TBL1XR1: variants seen among roughly 807,000 people sequenced by gnomAD.
TBL1XR1 encodes TBL1X/Y related 1.
TBL1XR1 carries 5 observed loss-of-function variants against 66.9 expected under a neutral mutation model. That is an observed-to-expected ratio of 0.07 (90% confidence interval 0.04 to 0.16). The LOEUF is 0.16. Among genes scored for constraint, TBL1XR1 ranks in the 10% least tolerant of loss-of-function variants. The pLI is 1.00. For synonymous variants in TBL1XR1, 210 were observed against 206.0 expected (o/e 1.02, Z -0.17); for missense variants, 238 against 623.2 (o/e 0.38, Z 6.58).
intron 1 of TBL1XR1, among the ~76,000 whole-genome samples, chr3:177,109,891 C>T (rs1725340596): frequency 6.6e-6 from 1 of 152,072 alleles, no homozygotes; most frequent in Non-Finnish European, 1.5e-5. Flanking sequence ...TTCCTGTATG[C>T]TCGATGTTCT....
intron 1 of TBL1XR1, among the ~76,000 whole-genome samples, chr3:177,103,033 A>G (rs1724416899): frequency 6.6e-6 from 1 of 152,256 alleles, no homozygotes; most frequent in South Asian, 2.1e-4. Flanking sequence ...TATGCTGATA[A>G]AATGTTAGTG....
intron 14 of TBL1XR1, among the ~76,000 whole-genome samples, chr3:177,028,169 C>T (rs1037305259): frequency 1.3e-5 from 2 of 152,114 alleles, no homozygotes; most frequent in African/African-American, 4.8e-5. Flanking sequence ...CTACAATTTA[C>T]TCATCAAATG....
intron 1 of TBL1XR1, among the ~76,000 whole-genome samples, chr3:177,151,161 A>C (rs1353517714): frequency 1.3e-5 from 2 of 152,238 alleles, no homozygotes; most frequent in Non-Finnish European, 2.9e-5. Context: ...GTGGTATATA[A>C]AAGCAAAGCT....
intron 1 of TBL1XR1, chr3:177,193,933 A>G (rs1736491938): frequency 6.6e-6 from 1 of 152,226 alleles, no homozygotes; most frequent in Non-Finnish European, 1.5e-5. Context: ...GCCCAACACT[A>G]TCTACCTCAT....
chr3:177,043,403 T>C (rs1715872297), intron 10 of TBL1XR1, among the ~76,000 whole-genome samples: 1 of 152,190 alleles, frequency 6.6e-6, no homozygotes, highest in Non-Finnish European at 1.5e-5. Context: ...CTTGTATTAA[T>C]AACCTCCTTT....
chr3:177,191,465 A>G (rs1736130040), intron 1 of TBL1XR1, among the ~76,000 whole-genome samples: 1 of 152,168 alleles, frequency 6.6e-6, no homozygotes, highest in Non-Finnish European at 1.5e-5. Context: ...CTGAGCCTCA[A>G]TTTTCTCACT....
chr3:177,144,857 T>C (rs1418602295), intron 1 of TBL1XR1, among the ~76,000 whole-genome samples: 1 of 152,254 alleles, frequency 6.6e-6, no homozygotes, highest in South Asian at 2.1e-4. Flanking sequence ...TTGAATTTCA[T>C]GTAATTTTTA....
intron 1 of TBL1XR1, among the ~76,000 whole-genome samples, chr3:177,140,760 T>TA (rs1729538930): frequency 6.6e-6 from 1 of 152,210 alleles, no homozygotes; most frequent in African/African-American, 2.4e-5. Context: ...TAAATAATAG[T>TA]CATAACAGTA....
intron 1 of TBL1XR1, among the ~76,000 whole-genome samples, chr3:177,196,739 C>CG (rs200329274): frequency 2.0e-5 from 2 of 99,278 alleles, no homozygotes; most frequent in African/African-American, 6.6e-5. Flanking sequence ...AAAGCCTCCC[C>CG]CCCCAAACAC....
At chr3:177,032,864 A>ATTAATTATTGGTT in intron 14 of TBL1XR1, 107 bp downstream of exon 14, 1 of 925,836 alleles carries the variant, frequency 1.1e-6, no homozygotes, top group Non-Finnish European at 1.5e-6. Context: ...CAATAATTCA[A>ATTAATTATTGGTT]TTAATGCCAC....
chr3:177,176,299 C>T (rs1394178528), intron 1 of TBL1XR1, among the ~76,000 whole-genome samples: 2 of 151,050 alleles, frequency 1.3e-5, no homozygotes, highest in Admixed American at 6.6e-5. Context: ...TGGGCTCAAG[C>T]GATTCTCCTG....
At chr3:177,123,248 C>T (rs1434016307) in intron 1 of TBL1XR1, among the ~76,000 whole-genome samples, 1 of 151,986 alleles carries the variant, frequency 6.6e-6, no homozygotes, top group East Asian at 1.9e-4. Flanking sequence ...ACAGTATTTA[C>T]CTTCCTAATC....
chr3:177,146,589 C>CAAA (rs78065426), intron 1 of TBL1XR1, among the ~76,000 whole-genome samples: 2,105 of 51,916 alleles, frequency 0.041, 236 homozygotes, highest in African/African-American at 0.13. Flanking sequence ...GACTCCATCT[C>CAAA]AAAAAAAAAA....
chr3:177,046,294 G>T, intron 9 of TBL1XR1, 105 bp from the exon 10 acceptor site: 1 of 811,560 alleles, frequency 1.2e-6, no homozygotes, highest in Non-Finnish European at 1.9e-6. Flanking sequence ...TGTCAGAGTG[G>T]ATTTAATTTT....
At chr3:177,150,698 G>A (rs1730781549) in intron 1 of TBL1XR1, among the ~76,000 whole-genome samples, 1 of 152,180 alleles carries the variant, frequency 6.6e-6, no homozygotes, top group Admixed American at 6.5e-5. Context: ...CCTTGTGTGT[G>A]GAAAAATATG....
At chr3:177,038,196 C>G (rs1289170330) in intron 11 of TBL1XR1, 24 bp from the exon 12 acceptor site, 1 of 1,610,610 alleles carries the variant, frequency 6.2e-7, no homozygotes, top group East Asian at 2.2e-5. Context: ...TAAATATTCA[C>G]ATTTTCATTG....
intron 2 of TBL1XR1, among the ~76,000 whole-genome samples, chr3:177,066,817 C>G (rs1480112412): frequency 1.3e-5 from 2 of 152,140 alleles, no homozygotes; most frequent in African/African-American, 4.8e-5. Flanking sequence ...CTCTGGACAA[C>G]TGAACGGTTG....
chr3:177,112,101 A>ATT lies in TBL1XR1; in HGVS notation c.-121-13561_-121-13560insAA, dbSNP rs1191026238. 4.4e-4 allele frequency among the ~76,000 whole-genome samples: 21 copies of ATT among 48,196 alleles called. No individual in the cohort carries two copies. In the East Asian group the frequency reaches 0.011, roughly 25 times the overall value. The allele number at this position is 48,196 out of a possible 152,430, so 31.6% of individuals were successfully genotyped here. A position where few individuals can be genotyped will look rare whatever the true frequency, so the allele number is the denominator to read the frequency against. On this transcript the variant is annotated intron_variant, in intron 1 of 15. Coordinates refer to ENST00000457928, the MANE Select transcript of TBL1XR1 (RefSeq NM_024665.7). The stretch of plus-strand genomic sequence containing the variant: ...TATATATATATATATATATATATAT[A>ATT]TATATATTTTTTTTTTTTTTTTTTG...
At chr3:177,193,709 C>T (rs781390726) in intron 1 of TBL1XR1, among the ~76,000 whole-genome samples, 5 of 152,102 alleles carry the variant, frequency 3.3e-5, no homozygotes, top group Non-Finnish European at 5.9e-5. Flanking sequence ...TTAGTACAGA[C>T]GCTCAACTAT....
Sources: gnomAD v4.1 joint callset for allele counts (sites outside exome capture counted in the v4.1 genomes callset) on GRCh38, gnomAD v4.1.1 for gene constraint, MANE v1.5 for transcripts, NCBI Gene and HGNC (gene_info 2026-07-23, HGNC 2026-07-21) for gene names.